NUCB1: variants seen among roughly 807,000 people sequenced by gnomAD.
The protein encoded by NUCB1 is nucleobindin-1.
A neutral mutation model predicts 61.2 loss-of-function variants in NUCB1; 47 were observed. The observed-to-expected ratio is 0.77, with a 90% CI of 0.61 to 0.98. NUCB1 has a LOEUF of 0.98. NUCB1 is among the 50% of genes least tolerant of loss of function. The pLI, the probability that NUCB1 is intolerant of heterozygous loss-of-function variation, is 0.00. For missense variants in NUCB1, 583 were observed against 605.3 expected, an observed-to-expected ratio of 0.96 and a Z score of 0.39; for synonymous variants, 234 against 243.1, an observed-to-expected ratio of 0.96 and a Z score of 0.35.
Position 48,919,230 on chromosome 19 carries a change from G to A in NUCB1, c.946G>A (p.Glu316Lys). ...TNQDRLVTLE[E>K]FLASTQRKEF... ...CCAGGACCGCCTCGTGACCCTGGAG[G>A]AGTTCCTCGCATCCACTCAGAGGAA... is the stretch of plus-strand genomic sequence containing the variant. Residue 316 changes from glutamate (E) to lysine (K), a missense_variant, in exon 10 of 13, where the codon GAG becomes AAG. Physicochemically the swap from Glu to Lys is moderately conservative, Grantham distance 56 (BLOSUM62 1). Coordinates refer to ENST00000405315, the MANE Select transcript of NUCB1 (RefSeq NM_006184.6). 6.2e-7 allele frequency: 1 copy of A among 1,614,022 alleles called. No homozygotes were observed. The highest frequency in any genetic ancestry group is 8.5e-7 in the Non-Finnish European group (1 of 1,179,940).
intron 2 of NUCB1, among the ~76,000 whole-genome samples, chr19:48,903,209 TAGTA>T (rs2037370696): frequency 6.6e-6 from 1 of 152,062 alleles, no homozygotes; most frequent in Non-Finnish European, 1.5e-5. Flanking sequence ...ATTTTATAAA[TAGTA>T]AGAGCATAGA....
chr19:48,919,008 T>A (rs1387146998), intron 8 of NUCB1, 22 bp from the exon 9 acceptor site: 33 of 1,609,274 alleles, frequency 2.1e-5, no homozygotes, highest in Non-Finnish European at 2.8e-5. Flanking sequence ...CAATGCTGTC[T>A]GCCTCTCGCT....
At chr19:48,905,029 G>A (rs1239591566) in intron 3 of NUCB1, among the ~76,000 whole-genome samples, 3 of 152,196 alleles carry the variant, frequency 2.0e-5, no homozygotes, top group East Asian at 1.9e-4. Flanking sequence ...TCCCCTCACC[G>A]TGCCTCAGTT....
At chr19:48,918,681 C>A (rs1296294899) in intron 7 of NUCB1, 45 bp from the exon 8 acceptor site, 3 of 1,533,004 alleles carry the variant, frequency 2.0e-6, no homozygotes, top group Non-Finnish European at 2.7e-6. Flanking sequence ...CTTACACATC[C>A]CGTCCTCGGT....
intron 11 of NUCB1, 33 bp from the exon 12 acceptor site, chr19:48,921,794 C>A: frequency 1.3e-6 from 2 of 1,590,318 alleles, no homozygotes; most frequent in Non-Finnish European, 1.7e-6. Context: ...AGCATCACAC[C>A]CTCTTGTCTG....
chr19:48,908,727 T>G (rs1015326273), intron 4 of NUCB1, among the ~76,000 whole-genome samples: 3 of 135,708 alleles, frequency 2.2e-5, no homozygotes, highest in African/African-American at 8.9e-5. Context: ...AAGGGGTGTG[T>G]GTGTGTGTGT....
intron 7 of NUCB1, 118 bp from the exon 8 acceptor site, chr19:48,918,608 C>A: frequency 1.2e-6 from 1 of 800,192 alleles, no homozygotes; most frequent in Admixed American, 1.9e-5. Flanking sequence ...CCGCGGGAGA[C>A]CCGTAGTTAC....
rs1394443199 is a variant in NUCB1, at chr19:48,905,913, G to A, written c.376+28G>A. 4 of 1,534,078 alleles carry A rather than the reference G, an allele frequency of 2.6e-6. No homozygotes were observed. The East Asian group carries it at 9.2e-5, about 35-fold the overall frequency. ...GAGCAGGGGCAGGGCGGGAGGGACAGGCAGGGAGGGGTGGGGAAGGGTGGC... is the reference window on the plus strand; with the variant it reads ...GAGCAGGGGCAGGGCGGGAGGGACAAGCAGGGAGGGGTGGGGAAGGGTGGC... On this transcript the variant is annotated intron_variant, in intron 4 of 12. Coordinates refer to ENST00000405315, the MANE Select transcript of NUCB1 (RefSeq NM_006184.6).
chr19:48,921,817 C>T lies in NUCB1; in HGVS notation c.1174-10C>T, dbSNP rs1193327083. ...ACCCTCTTGTCTGTGTGACCCCCCACCTCCCACAGGCTGTGCTGCACATGG... is the reference window on the plus strand; with the variant it reads ...ACCCTCTTGTCTGTGTGACCCCCCATCTCCCACAGGCTGTGCTGCACATGG... On this transcript the variant is annotated splice_polypyrimidine_tract_variant and intron_variant, in intron 11 of 12. Transcript: ENST00000405315. 4 of 1,610,258 alleles carry T rather than the reference C, an allele frequency of 2.5e-6. No individual in the cohort carries two copies. Among genetic ancestry groups the T allele is most frequent in the East Asian group, 2.2e-5 (1 of 44,878 alleles).
chr19:48,907,184 C>G (rs143585915), intron 4 of NUCB1, among the ~76,000 whole-genome samples: 3 of 151,664 alleles, frequency 2.0e-5, no homozygotes, highest in Non-Finnish European at 4.4e-5. Context: ...CTGTATTAGC[C>G]AGGATGGTCT....
Position 48,919,189 on chromosome 19 carries a change from C to T in NUCB1, c.910-5C>T. On this transcript the variant is annotated splice_region_variant and splice_polypyrimidine_tract_variant and intron_variant, in intron 9 of 12. Coordinates refer to ENST00000405315, the MANE Select transcript of NUCB1 (RefSeq NM_006184.6). ...TCTGTCACTCACCCTTATCTGGCTCCCCAGGTGGACACCAACCAGGACCGC... is the reference window on the plus strand; with the variant it reads ...TCTGTCACTCACCCTTATCTGGCTCTCCAGGTGGACACCAACCAGGACCGC... 1 of 1,614,060 alleles carries T rather than the reference C, an allele frequency of 6.2e-7. No homozygotes were observed. Among genetic ancestry groups the T allele is most frequent in the East Asian group, 2.2e-5 (1 of 44,868 alleles).
chr19:48,913,135 C>A lies in NUCB1; in HGVS notation c.605C>A (p.Ala202Glu). ...CTGGGAGAGGAGCAGAGAAAGGAGG[C>A]GGAGAGGAAGCTGGAAGAGCAACAG... ...ESLGEEQRKE[A>E]ERKLEEQQRR... Residue 202 changes from alanine (A) to glutamate (E), a missense_variant, in exon 6 of 13, where the codon GCG becomes GAG. Physicochemically the swap from Ala to Glu is moderately radical, Grantham distance 107. Transcript: ENST00000405315. 6.2e-7 allele frequency: 1 copy of A among 1,613,764 alleles called. No homozygotes were observed. Among genetic ancestry groups the A allele is most frequent in the South Asian group, 1.1e-5 (1 of 91,066 alleles).
At chr19:48,920,767 C>T (rs776240210) in intron 10 of NUCB1, among the ~76,000 whole-genome samples, 13 of 152,160 alleles carry the variant, frequency 8.5e-5, no homozygotes, top group Non-Finnish European at 1.6e-4. Context: ...AGGTGAGCCA[C>T]CCACCTCGGC....
At chr19:48,914,121 A>G (rs903350117) in intron 7 of NUCB1, among the ~76,000 whole-genome samples, 1 of 151,776 alleles carries the variant, frequency 6.6e-6, no homozygotes, top group East Asian at 1.9e-4. Flanking sequence ...GATTACAGGC[A>G]TGCACCACCA....
intron 12 of NUCB1, among the ~76,000 whole-genome samples, 156 bp downstream of exon 12, chr19:48,922,088 G>C (rs949708406): frequency 7.9e-5 from 12 of 151,488 alleles, no homozygotes; most frequent in South Asian, 2.1e-4. Context: ...CCGGACTCCT[G>C]GGTCTGAGGG....
intron 2 of NUCB1, among the ~76,000 whole-genome samples, chr19:48,903,009 C>G (rs911308600): frequency 2.6e-4 from 39 of 151,784 alleles, no homozygotes; most frequent in Non-Finnish European, 4.4e-4. Context: ...GTGGCAGGAT[C>G]ATACCTCACT....
rs533183415 is a variant in NUCB1, at chr19:48,907,963, T to C, written c.376+2078T>C. ...TTCTCAGGGCTCTTTGCCTGGTCCA[T>C]GGACCTTCCATCTCCCCTGGAATGT... On this transcript the variant is annotated intron_variant, in intron 4 of 12. Transcript: ENST00000405315. 2.6e-5 allele frequency among the ~76,000 whole-genome samples: 4 copies of C among 152,358 alleles called. No individual in the cohort carries two copies. The South Asian group carries it at 8.3e-4, about 32-fold the overall frequency.
intron 2 of NUCB1, among the ~76,000 whole-genome samples, chr19:48,902,340 A>T (rs753224624): frequency 2.0e-5 from 3 of 149,544 alleles, no homozygotes; most frequent in Non-Finnish European, 4.4e-5. Flanking sequence ...CGATCTCTTG[A>T]CCTCTTGATC....
chr19:48,920,199 A>G (rs1272470883), intron 10 of NUCB1, among the ~76,000 whole-genome samples: 1 of 152,114 alleles, frequency 6.6e-6, no homozygotes, highest in Non-Finnish European at 1.5e-5. Flanking sequence ...GCTGGAGTGC[A>G]GGGGTGTTAT....
Sources: allele counts gnomAD v4.1 joint callset (sites outside exome capture counted in the v4.1 genomes callset), GRCh38; gene constraint gnomAD v4.1.1; transcripts MANE v1.5; gene names NCBI Gene and HGNC (gene_info 2026-07-23, HGNC 2026-07-21).